TENM4: variants seen among roughly 807,000 people sequenced by gnomAD.
TENM4 encodes teneurin transmembrane protein 4.
Under a neutral mutation model 243.3 loss-of-function variants are expected in TENM4, and 82 were observed. The observed-to-expected ratio is 0.34, with a 90% CI of 0.28 to 0.40. The LOEUF (loss-of-function observed/expected upper bound fraction) is 0.40, where lower values mean the gene tolerates loss of function less well. Ranked by LOEUF, TENM4 falls within the 10% of genes least tolerant of loss-of-function variation. TENM4 has a pLI of 1.00. For synonymous variants in TENM4, 1,412 were observed against 1,456.3 expected (o/e 0.97, Z 0.69); for missense variants, 3,138 against 3,673.3 (o/e 0.85, Z 3.77).
rs1431779004 is a variant in TENM4, at chr11:78,670,274, A to T, written c.6071T>A (p.Leu2024His). 6.2e-7 allele frequency: 1 copy of T among 1,613,920 alleles called. No individual in the cohort carries two copies. The highest frequency in any genetic ancestry group is 8.5e-7 in the Non-Finnish European group (1 of 1,179,882). ...GAAACTGACCTTGGTGGTGTCATAG[A>T]GCGTCTCTGCCAGCTTTGACAGTTT... ...YGKLSKLAET[L>H]YDTTKVSFTY... Residue 2024 changes from leucine to histidine, a missense_variant, in exon 32 of 34, where the codon CTC becomes CAC. Physicochemically the swap from Leu to His is moderately conservative, Grantham distance 99 (BLOSUM62 -3). This residue lies in a region of TENM4 where 2,467 missense variants were observed against 3,059.1 expected (regional missense o/e 0.81). Coordinates refer to ENST00000278550, the MANE Select transcript of TENM4 (RefSeq NM_001098816.3).
intron 15 of TENM4, among the ~76,000 whole-genome samples, chr11:78,790,966 C>T (rs1218079544): frequency 6.6e-6 from 1 of 152,238 alleles, no homozygotes; most frequent in Non-Finnish European, 1.5e-5. Context: ...TTACACTAGA[C>T]ATGCTCTCCT....
At chr11:79,233,609 G>A (rs912401869) in intron 2 of TENM4, among the ~76,000 whole-genome samples, 7 of 152,122 alleles carry the variant, frequency 4.6e-5, no homozygotes, top group African/African-American at 7.2e-5. Flanking sequence ...AGGGAGACAC[G>A]GACCCAGGTG....
At chr11:79,244,052 C>T (rs1855471782) in intron 2 of TENM4, among the ~76,000 whole-genome samples, 1 of 152,190 alleles carries the variant, frequency 6.6e-6, no homozygotes, top group African/African-American at 2.4e-5. Context: ...GTCCTACGAT[C>T]AGTGGTTCTT....
At chr11:79,287,588 A>G (rs1026563859) in intron 2 of TENM4, among the ~76,000 whole-genome samples, 1 of 152,160 alleles carries the variant, frequency 6.6e-6, no homozygotes, top group African/African-American at 2.4e-5. Flanking sequence ...CACCTATATT[A>G]TACTCCTGGT....
intron 4 of TENM4, among the ~76,000 whole-genome samples, chr11:79,108,246 CTT>C (rs1861420678): frequency 6.6e-6 from 1 of 152,138 alleles, no homozygotes; most frequent in Admixed American, 6.5e-5. Context: ...AGTCAATTGA[CTT>C]TAGGTAAAGG....
At chr11:79,090,354 G>A (rs1860915731) in intron 4 of TENM4, among the ~76,000 whole-genome samples, 1 of 152,240 alleles carries the variant, frequency 6.6e-6, no homozygotes, top group Non-Finnish European at 1.5e-5. Context: ...AACACCACCT[G>A]AGGGCACAGA....
At chr11:79,333,220 G>C (rs1857089914) in intron 1 of TENM4, among the ~76,000 whole-genome samples, 1 of 148,894 alleles carries the variant, frequency 6.7e-6, no homozygotes, top group Non-Finnish European at 1.5e-5. Flanking sequence ...AGATTTCATG[G>C]CCTGCCCATT....
At chr11:79,054,399 T>G (rs566460228) in intron 6 of TENM4, among the ~76,000 whole-genome samples, 17 of 152,188 alleles carry the variant, frequency 1.1e-4, no homozygotes, top group Admixed American at 2.6e-4. Flanking sequence ...CAACAGTTTT[T>G]GACCAAGACT....
At chr11:78,757,363 G>A (rs1450573621) in intron 18 of TENM4, among the ~76,000 whole-genome samples, 3 of 152,258 alleles carry the variant, frequency 2.0e-5, no homozygotes, top group Non-Finnish European at 4.4e-5. Flanking sequence ...TGGCCAGAAG[G>A]TGAGTGGAAG....
At chr11:79,045,822 T>C (rs142395805) in intron 6 of TENM4, among the ~76,000 whole-genome samples, 215 of 151,950 alleles carry the variant, frequency 1.4e-3, no homozygotes, top group South Asian at 9.6e-3. Context: ...AATTCTAAAA[T>C]ACAACAGGTA....
rs376631231 is a variant in TENM4 at position 78,732,357 on chromosome 11, T to C, written c.3097A>G (p.Ser1033Gly). 2.9e-5 allele frequency: 47 copies of C among 1,613,524 alleles called. No homozygotes were observed. The African/African-American group carries it at 5.6e-4, about 19-fold the overall frequency. ...ATGGGGCCTTTCTCTGCACAGGAGCTGGCGAAGGACGTCAGTGGGGATGGA... is the reference window on the plus strand; with the variant it reads ...ATGGGGCCTTTCTCTGCACAGGAGCCGGCGAAGGACGTCAGTGGGGATGGA... ...VSPSPLTSFA[S>G]SCAEKGPIVP... Residue 1033 changes from serine (S) to glycine (G), a missense_variant, in exon 21 of 34, where the codon AGC becomes GGC. By Grantham distance (56) the Ser-to-Gly change is moderately conservative. Transcript: ENST00000278550.
chr11:78,869,718 A>C (rs1859075930), intron 9 of TENM4, among the ~76,000 whole-genome samples: 1 of 152,188 alleles, frequency 6.6e-6, no homozygotes, highest in Non-Finnish European at 1.5e-5. Context: ...TTGAACCCCG[A>C]TCTAAAAACA....
intron 6 of TENM4, among the ~76,000 whole-genome samples, chr11:78,949,053 C>T (rs1480663037): frequency 6.6e-6 from 1 of 152,128 alleles, no homozygotes; most frequent in Admixed American, 6.5e-5. Flanking sequence ...ACTCTTTTCC[C>T]TTTGTAATTA....
chr11:79,301,649 C>G (rs903460791), intron 1 of TENM4, among the ~76,000 whole-genome samples: 9 of 152,212 alleles, frequency 5.9e-5, no homozygotes, highest in Non-Finnish European at 7.3e-5. Flanking sequence ...ACCCAAATCT[C>G]ACGTCGAATT....
intron 19 of TENM4, chr11:78,756,257 G>A (rs1856302262): frequency 6.1e-6 from 1 of 162,708 alleles, no homozygotes; most frequent in Non-Finnish European, 1.3e-5. Flanking sequence ...GACTGGGAGT[G>A]ACCAACAATC....
At chr11:79,427,856 G>A (rs1282915153) in intron 1 of TENM4, among the ~76,000 whole-genome samples, 1 of 152,136 alleles carries the variant, frequency 6.6e-6, no homozygotes, top group Non-Finnish European at 1.5e-5. Flanking sequence ...CATAATACGT[G>A]GAACTGGAAT....
At chr11:79,290,423 A>G (rs937653329) in intron 2 of TENM4, among the ~76,000 whole-genome samples, 4 of 152,376 alleles carry the variant, frequency 2.6e-5, no homozygotes, top group Middle Eastern at 3.4e-3. Flanking sequence ...TAGAAGACTT[A>G]TTGCAGAACC....
At chr11:79,387,949 C>T (rs934948083) in intron 1 of TENM4, among the ~76,000 whole-genome samples, 1 of 152,194 alleles carries the variant, frequency 6.6e-6, no homozygotes, top group Non-Finnish European at 1.5e-5. Flanking sequence ...GGGCTGCAGT[C>T]AGCCATGATC....
intron 2 of TENM4, among the ~76,000 whole-genome samples, chr11:79,244,851 A>T (rs2508315): frequency 6.6e-6 from 1 of 152,208 alleles, no homozygotes; most frequent in Non-Finnish European, 1.5e-5. Flanking sequence ...TTTCTTAAAC[A>T]ACCAGAGACC....
Sources: allele counts gnomAD v4.1 joint callset (sites outside exome capture counted in the v4.1 genomes callset), GRCh38; gene constraint gnomAD v4.1.1; regional missense constraint gnomAD v4.1.1; transcripts MANE v1.5; gene names NCBI Gene and HGNC (gene_info 2026-07-23, HGNC 2026-07-21).